ACSF3: variants seen among roughly 807,000 people sequenced by gnomAD.
ACSF3 encodes acyl-CoA synthetase family member 3.
ACSF3 carries 78 observed loss-of-function variants against 53.2 expected under a neutral mutation model. The observed-to-expected ratio is 1.47, with a 90% confidence interval of 1.22 to 1.77. The LOEUF (loss-of-function observed/expected upper bound fraction) is 1.77. ACSF3 is among the 40% of genes most tolerant of loss of function. The pLI is 0.00. For missense variants in ACSF3, 937 were observed against 771.1 expected (o/e 1.22, Z -2.55); for synonymous variants, 414 against 333.1 (o/e 1.24, Z -2.65).
chr16:89,126,494 C>G (rs59346323), intron 7 of ACSF3, among the ~76,000 whole-genome samples: 21,205 of 152,158 alleles, frequency 0.14, 1,595 homozygotes, highest in African/African-American at 0.21. Flanking sequence ...GTCTCAAACT[C>G]CTGACCTCAA....
chr16:89,119,832 C>T (rs1332667701), intron 6 of ACSF3, among the ~76,000 whole-genome samples: 3 of 152,212 alleles, frequency 2.0e-5, no homozygotes, highest in Admixed American at 1.3e-4. Context: ...GTCTGGAGGC[C>T]GGGACGCCCC....
At chr16:89,107,468 G>A (rs549266077) in intron 4 of ACSF3, among the ~76,000 whole-genome samples, 8 of 152,184 alleles carry the variant, frequency 5.3e-5, no homozygotes, top group South Asian at 4.2e-4. Flanking sequence ...TGCTACACGC[G>A]TGCTCCGTTT....
chr16:89,103,717 G>A (rs1175581729), intron 4 of ACSF3, among the ~76,000 whole-genome samples: 1 of 152,232 alleles, frequency 6.6e-6, no homozygotes, highest in African/African-American at 2.4e-5. Flanking sequence ...GCTTGCTGCG[G>A]AGGGTTACTT....
intron 8 of ACSF3, chr16:89,140,921 A>G (rs767119159): frequency 2.2e-6 from 1 of 456,180 alleles, no homozygotes; most frequent in Non-Finnish European, 3.6e-6. Context: ...TATCTGTCAG[A>G]AGAAAACTCC....
chr16:89,139,459 T>C (rs1200575849), intron 8 of ACSF3, among the ~76,000 whole-genome samples: 2 of 152,106 alleles, frequency 1.3e-5, no homozygotes, highest in Non-Finnish European at 2.9e-5. Context: ...CCCTCAGCCT[T>C]GCTTGTCGGT....
chr16:89,145,896 C>T (rs1403442139), intron 9 of ACSF3, 42 bp from the exon 10 acceptor site: 1 of 1,549,314 alleles, frequency 6.5e-7, no homozygotes, highest in Non-Finnish European at 8.9e-7. Context: ...GTAAGGGTCA[C>T]TGAGGCATCC....
In ACSF3 at chr16:89,136,435, C is replaced by T. The variant is rs148305373; in HGVS notation, c.1366+3173C>T. On this transcript the variant is annotated intron_variant, in intron 8 of 10. Coordinates refer to ENST00000614302, the MANE Select transcript of ACSF3 (RefSeq NM_001243279.3). ...GCATGTCTTTGTCACAGGCCATTAG[C>T]GATGCTGCTGCATAATGAGAGCCTG... The T allele has an allele frequency of 6.7e-4, 713 of 1,070,612 alleles. 2 individuals carry two copies. The highest frequency in any genetic ancestry group is 8.4e-4 in the Middle Eastern group (2 of 2,372). The allele number at this position is 1,070,612 out of a possible 1,614,324, so 66.3% of individuals were successfully genotyped here.
chr16:89,126,705 A>G (rs1054359447), intron 7 of ACSF3, among the ~76,000 whole-genome samples: 1 of 152,242 alleles, frequency 6.6e-6, no homozygotes, highest in East Asian at 1.9e-4. Context: ...AGATTTTAAT[A>G]GACTTCTTGG....
At chr16:89,114,103 T>TA (rs1371205767) in intron 5 of ACSF3, 2 of 592,640 alleles carry the variant, frequency 3.4e-6, no homozygotes, top group Non-Finnish European at 6.1e-6. Flanking sequence ...TGCTTCCTTC[T>TA]AAAATACACC....
intron 7 of ACSF3, among the ~76,000 whole-genome samples, chr16:89,132,315 C>G (rs967323589): frequency 6.6e-6 from 1 of 152,210 alleles, no homozygotes; most frequent in African/African-American, 2.4e-5. Flanking sequence ...GGCAGCTGCT[C>G]ATCTGAAGCC....
chr16:89,129,958 G>A lies in ACSF3; in HGVS notation c.1240-3178G>A, dbSNP rs146492474. On this transcript the variant is annotated intron_variant, in intron 7 of 10. Coordinates refer to ENST00000614302, the MANE Select transcript of ACSF3 (RefSeq NM_001243279.3). Reference sequence around the variant, plus strand: ...AATACCTGTATTTGTTGTAAACTCCGTTAGACAAAATGGTAATTTTTGCTT... The same window carrying A: ...AATACCTGTATTTGTTGTAAACTCCATTAGACAAAATGGTAATTTTTGCTT... Among the ~76,000 whole-genome samples, 19 of 152,242 alleles carry A rather than the reference G, an allele frequency of 1.2e-4. No individual in the cohort carries two copies. The East Asian group carries it at 2.9e-3, about 23-fold the overall frequency.
rs148069833 is a variant in ACSF3, at chr16:89,103,196, G to C, written c.822+437G>C. The stretch of plus-strand genomic sequence containing the variant: ...GCGTCATTGAAACCGTGAATAGTGA[G>C]ACTGGATGAGCGGAGGTGACTGTAC... On this transcript the variant is annotated intron_variant, in intron 4 of 10. Coordinates refer to ENST00000614302, the MANE Select transcript of ACSF3 (RefSeq NM_001243279.3). 6.6e-3 allele frequency among the ~76,000 whole-genome samples: 1,004 copies of C among 152,376 alleles called. 10 individuals are homozygous for C. The highest frequency in any genetic ancestry group is 0.023 in the African/African-American group (940 of 41,592).
chr16:89,151,505 T>G (rs1914076218), intron 10 of ACSF3: 1 of 270,936 alleles, frequency 3.7e-6, no homozygotes, highest in Admixed American at 5.1e-5. Context: ...GCAAATTAAA[T>G]CCAGTTAATG....
rs562764988 is a variant in ACSF3 at position 89,107,289 on chromosome 16, A to G, written c.822+4530A>G. On this transcript the variant is annotated intron_variant, in intron 4 of 10. Coordinates refer to ENST00000614302, the MANE Select transcript of ACSF3 (RefSeq NM_001243279.3). Reference sequence around the variant, plus strand: ...CCTCTGAAGATTTGGATGAATTCCAAGAAAGACCGTCCTTCGTGTCTTTCA... The same window carrying G: ...CCTCTGAAGATTTGGATGAATTCCAGGAAAGACCGTCCTTCGTGTCTTTCA... 5.0e-4 allele frequency among the ~76,000 whole-genome samples: 76 copies of G among 152,294 alleles called. 1 individual carries two copies. Among genetic ancestry groups the G allele is most frequent in the Middle Eastern group, 3.4e-3 (1 of 294 alleles).
rs376039169 is a variant in ACSF3 at position 89,124,719 on chromosome 16, C to T, written c.1239+3806C>T. Among the ~76,000 whole-genome samples the T allele has an allele frequency of 3.3e-5, 5 of 151,978 alleles. No homozygotes were observed. In the East Asian group the frequency reaches 7.8e-4, roughly 24 times the overall value. ...CATGTGTGTGTGATACCCATGTGCG[C>T]ACTGCATATACGTGTGTGTTACCTG... On this transcript the variant is annotated intron_variant, in intron 7 of 10. Coordinates refer to ENST00000614302, the MANE Select transcript of ACSF3 (RefSeq NM_001243279.3).
At chr16:89,098,422 G>T (rs1045428311) in intron 1 of ACSF3, among the ~76,000 whole-genome samples, 169 bp from the exon 2 acceptor site, 1 of 152,196 alleles carries the variant, frequency 6.6e-6, no homozygotes, top group Admixed American at 6.5e-5. Flanking sequence ...AGGGTCATGG[G>T]GTCACTGCTG....
At position 89,151,003 on chromosome 16, in the gene ACSF3, CA is replaced by C. The variant is rs1275920823; in HGVS notation, c.1614-3084del. 3 of 1,285,204 alleles carry C rather than the reference CA, an allele frequency of 2.3e-6. No individual in the cohort carries two copies. In the African/African-American group the frequency reaches 4.6e-5, roughly 20 times the overall value. The allele number at this position is 1,285,204 out of a possible 1,614,324, so 79.6% of individuals were successfully genotyped here. On this transcript the variant is annotated intron_variant, in intron 10 of 10. Coordinates refer to ENST00000614302, the MANE Select transcript of ACSF3 (RefSeq NM_001243279.3). ...GAGGAAATTCACAGTCAAATTTCCC[CA>C]AACCAAAGGTCATGAGTTTTCAGGT...
chr16:89,131,056 T>G (rs138683684), intron 7 of ACSF3, among the ~76,000 whole-genome samples: 40 of 152,094 alleles, frequency 2.6e-4, no homozygotes, highest in African/African-American at 9.4e-4. Flanking sequence ...CTGTTATTTC[T>G]TTGTTGAGAC....
At chr16:89,099,263 C>T (rs750639221) in intron 2 of ACSF3, among the ~76,000 whole-genome samples, 1 of 152,250 alleles carries the variant, frequency 6.6e-6, no homozygotes, top group African/African-American at 2.4e-5. Flanking sequence ...AGCCCTCACG[C>T]GTCAGGAGCG....
Sources: gnomAD v4.1 joint callset for allele counts (sites outside exome capture counted in the v4.1 genomes callset) on GRCh38, gnomAD v4.1.1 for gene constraint, MANE v1.5 for transcripts, NCBI Gene and HGNC (gene_info 2026-07-23, HGNC 2026-07-21) for gene names.